GRAMD1B: variants seen among roughly 807,000 people sequenced by gnomAD.
The protein encoded by GRAMD1B is protein Aster-B.
In GRAMD1B, 37 loss-of-function variants were observed where a neutral mutation model predicts 99.7. The observed-to-expected ratio is 0.37, with a 90% confidence interval of 0.29 to 0.49. GRAMD1B has a LOEUF of 0.49. GRAMD1B is among the 20% of genes least tolerant of loss of function. GRAMD1B has a pLI of 0.98. For missense variants in GRAMD1B, 888 were observed against 1,009.2 expected, an observed-to-expected ratio of 0.88 and a Z score of 1.63; for synonymous variants, 427 against 387.6, an observed-to-expected ratio of 1.10 and a Z score of -1.19.
At chr11:123,381,034 A>G (rs1946855238) in intron 1 of GRAMD1B, among the ~76,000 whole-genome samples, 1 of 152,082 alleles carries the variant, frequency 6.6e-6, no homozygotes, top group South Asian at 2.1e-4. Context: ...GTTTCCATGG[A>G]AACCCCTGAT....
At chr11:123,518,518 C>T (rs949951129) in intron 2 of GRAMD1B, among the ~76,000 whole-genome samples, 5 of 152,064 alleles carry the variant, frequency 3.3e-5, no homozygotes, top group African/African-American at 1.2e-4. Flanking sequence ...TTCCTTACCC[C>T]GAGTTGCATG....
chr11:123,567,692 A>G (rs1333703767), intron 2 of GRAMD1B, among the ~76,000 whole-genome samples: 2 of 152,220 alleles, frequency 1.3e-5, no homozygotes, highest in Admixed American at 6.5e-5. Context: ...TGGACTGAAC[A>G]GAAGCTGCAG....
chr11:123,600,038 T>C (rs1951760221), intron 7 of GRAMD1B, among the ~76,000 whole-genome samples: 1 of 152,234 alleles, frequency 6.6e-6, no homozygotes, highest in Non-Finnish European at 1.5e-5. Context: ...TGTAGATTAG[T>C]GCCTAATACA....
At chr11:123,603,343 G>T in intron 8 of GRAMD1B, 83 bp from the exon 9 acceptor site, 1 of 821,862 alleles carries the variant, frequency 1.2e-6, no homozygotes, top group South Asian at 1.4e-5. Context: ...CTTCTCCAGG[G>T]GAACCAGCCC....
chr11:123,608,156 C>T (rs1359758491), intron 11 of GRAMD1B: 1 of 237,636 alleles, frequency 4.2e-6, no homozygotes, highest in Non-Finnish European at 8.1e-6. Context: ...GGGATCACAG[C>T]CTATTGGACC....
At chr11:123,419,147 A>G (rs1198697897) in intron 1 of GRAMD1B, among the ~76,000 whole-genome samples, 1 of 152,220 alleles carries the variant, frequency 6.6e-6, no homozygotes, top group Non-Finnish European at 1.5e-5. Context: ...TAAAAGGTCA[A>G]CTTGAAGAGC....
chr11:123,380,961 A>G (rs903204995), intron 1 of GRAMD1B, among the ~76,000 whole-genome samples: 1 of 151,958 alleles, frequency 6.6e-6, no homozygotes, highest in Non-Finnish European at 1.5e-5. Context: ...TAATTCACAC[A>G]TACCTCAGGG....
At chr11:123,606,938 G>A (rs1240715778) in intron 11 of GRAMD1B, 140 bp downstream of exon 11, 3 of 633,378 alleles carry the variant, frequency 4.7e-6, no homozygotes, top group Non-Finnish European at 8.2e-6. Flanking sequence ...AAAGGTACCT[G>A]TTATTAGTTT....
intron 1 of GRAMD1B, among the ~76,000 whole-genome samples, chr11:123,444,642 C>T (rs1368130600): frequency 1.3e-5 from 2 of 151,888 alleles, no homozygotes; most frequent in African/African-American, 4.8e-5. Context: ...TCCATTCAGT[C>T]AGCTGGGGGT....
intron 1 of GRAMD1B, among the ~76,000 whole-genome samples, chr11:123,413,480 C>T (rs1173150970): frequency 2.7e-5 from 4 of 150,218 alleles, no homozygotes; most frequent in Admixed American, 6.6e-5. Flanking sequence ...CATTGGGAAA[C>T]GTCTGTAAAA....
intron 1 of GRAMD1B, among the ~76,000 whole-genome samples, chr11:123,374,707 G>T (rs186579478): frequency 5.3e-5 from 8 of 152,312 alleles, no homozygotes; most frequent in Admixed American, 5.2e-4. Context: ...TCAGGGTAGG[G>T]CTAATGAGCT....
chr11:123,517,525 G>T (rs578069960), intron 2 of GRAMD1B, among the ~76,000 whole-genome samples: 1 of 152,264 alleles, frequency 6.6e-6, no homozygotes, highest in East Asian at 1.9e-4. Flanking sequence ...CTTTTTAATG[G>T]ATGAAGGAGT....
At chr11:123,612,089 T>C (rs1953672744) in intron 14 of GRAMD1B, among the ~76,000 whole-genome samples, 1 of 151,726 alleles carries the variant, frequency 6.6e-6, no homozygotes. Flanking sequence ...GCAGATGATA[T>C]TCTTTTTTTT....
At chr11:123,363,630 T>C (rs916475112) in intron 1 of GRAMD1B, among the ~76,000 whole-genome samples, 8 of 152,240 alleles carry the variant, frequency 5.3e-5, no homozygotes, top group Non-Finnish European at 5.9e-5. Flanking sequence ...TGAGCCCTCA[T>C]GGTTCAGTTC....
intron 1 of GRAMD1B, among the ~76,000 whole-genome samples, chr11:123,456,040 A>G (rs11219144): frequency 0.52 from 79,336 of 151,808 alleles, 20,975 homozygotes; most frequent in African/African-American, 0.58. Context: ...GTGTGGTGGC[A>G]CACACCTGTA....
chr11:123,407,188 T>A (rs1947884692), intron 1 of GRAMD1B, among the ~76,000 whole-genome samples: 1 of 152,102 alleles, frequency 6.6e-6, no homozygotes, highest in Non-Finnish European at 1.5e-5. Context: ...TCTATAACAC[T>A]CAGAAAGGTG....
chr11:123,598,166 G>T, intron 7 of GRAMD1B: 1 of 1,538,716 alleles, frequency 6.5e-7, no homozygotes, highest in Non-Finnish European at 9.0e-7. Context: ...TGAGCATGAT[G>T]CCATTCAGCA....
In GRAMD1B at chr11:123,514,383, T is replaced by C. The variant is rs116693507; in HGVS notation, c.452+33490T>C. ...TCTGGCTCTGTGAACTTGAGTGGGT[T>C]ATCTTGGCCTTCCCTGGTCTCAGTT... On this transcript the variant is annotated intron_variant, in intron 2 of 19. Transcript: ENST00000635736. 2.6e-3 allele frequency among the ~76,000 whole-genome samples: 389 copies of C among 152,328 alleles called. 1 individual carries two copies. The highest frequency in any genetic ancestry group is 8.9e-3 in the African/African-American group (370 of 41,570).
At chr11:123,536,800 C>T (rs1283059312) in intron 2 of GRAMD1B, among the ~76,000 whole-genome samples, 3 of 152,152 alleles carry the variant, frequency 2.0e-5, no homozygotes, top group African/African-American at 7.2e-5. Flanking sequence ...GTTTTGGTCT[C>T]ATTGCTGGAG....
Sources: gnomAD v4.1 joint callset for allele counts (sites outside exome capture counted in the v4.1 genomes callset) on GRCh38, gnomAD v4.1.1 for gene constraint, MANE v1.5 for transcripts, NCBI Gene and HGNC (gene_info 2026-07-23, HGNC 2026-07-21) for gene names.